The following CDCP1 variants were observed in gnomAD, a reference collection of about 807,000 sequenced individuals.
The protein encoded by CDCP1 is CUB domain-containing protein 1.
Under a neutral mutation model 60.2 loss-of-function variants are expected in CDCP1, and 29 were observed. That is an observed-to-expected ratio of 0.48 (90% CI 0.36 to 0.66). CDCP1 has a LOEUF of 0.66. Among genes scored for constraint, CDCP1 ranks in the 30% least tolerant of loss-of-function variants. CDCP1 has a pLI of 0.00. For missense variants in CDCP1, 876 were observed against 1,074.3 expected (o/e 0.82, Z 2.58); for synonymous variants, 387 against 431.1 (o/e 0.90, Z 1.27).
intron 4 of CDCP1, among the ~76,000 whole-genome samples, chr3:45,109,692 G>T (rs947149070): frequency 5.9e-5 from 9 of 151,974 alleles, no homozygotes; most frequent in African/African-American, 1.9e-4. Flanking sequence ...TTAAGGAGGT[G>T]CTCACTCTCA....
chr3:45,085,712 T>C lies in CDCP1; in HGVS notation c.2437A>G (p.Asn813Asp). The change falls in exon 9 of 9, where the codon AAT becomes GAT. Residue 813 changes from asparagine to aspartate, a missense_variant. By Grantham distance (23) the Asn-to-Asp change is conservative. This residue lies in a region of CDCP1 where 726 missense variants were observed against 935.7 expected (regional missense o/e 0.78). Transcript: ENST00000296129. This position sits in a 1 kb window ranked among gnomAD's most constrained non-coding sequence, Gnocchi z 4.2. Reference protein sequence around the residue: ...SEPYTFSHPNNGDVSSKDTDI... With the variant: ...SEPYTFSHPNDGDVSSKDTDI... ...GTGTCCTTGCTGCTTACATCCCCAT[T>C]GTTGGGATGGGAGAAGGTGTACGGT... 6.2e-7 allele frequency: 1 copy of C among 1,614,084 alleles called. No individual in the cohort carries two copies. Among genetic ancestry groups the C allele is most frequent in the African/African-American group, 1.3e-5 (1 of 75,024 alleles).
chr3:45,083,366 C>G lies in CDCP1; in HGVS notation c.*2272G>C, dbSNP rs1183428110. ...TCTGGAAAGTGTTCAAGAGGTCTTG[C>G]AGTACACGCCATTTAGGAGACTATA... On this transcript the variant is annotated 3_prime_UTR_variant, in exon 9 of 9. Coordinates refer to ENST00000296129, the MANE Select transcript of CDCP1 (RefSeq NM_022842.5). The G allele has an allele frequency of 3.3e-5, 5 of 152,208 alleles. No individual in the cohort carries two copies. Among genetic ancestry groups the G allele is most frequent in the African/African-American group, 1.2e-4 (5 of 41,460 alleles). 9.4% of individuals were successfully genotyped at this position (152,208 alleles called of 1,614,324 possible). A position where few individuals can be genotyped will look rare whatever the true frequency, so the allele number is the denominator to read the frequency against.
At chr3:45,133,033 G>A (rs1246281313) in intron 1 of CDCP1, among the ~76,000 whole-genome samples, 2 of 152,160 alleles carry the variant, frequency 1.3e-5, no homozygotes, top group African/African-American at 4.8e-5. Context: ...GCTTTTCCTG[G>A]AGAAAAGGAG....
intron 4 of CDCP1, among the ~76,000 whole-genome samples, chr3:45,102,169 T>A (rs1698493625): frequency 6.6e-6 from 1 of 152,126 alleles, no homozygotes; most frequent in Non-Finnish European, 1.5e-5. Flanking sequence ...CCTCCCAGGT[T>A]CAAGTGATTC....
rs186062533 is a variant in CDCP1, at chr3:45,132,166, G to A, written c.83-13545C>T. 3.0e-4 allele frequency among the ~76,000 whole-genome samples: 45 copies of A among 151,722 alleles called. No homozygotes were observed. The East Asian group carries it at 6.0e-3, about 20-fold the overall frequency. ...CAGGAGAATCACTTGAGCCCCGGAG[G>A]CAGAGGTTGCAGTGAGCTGAGATCA... is the stretch of plus-strand genomic sequence containing the variant. On this transcript the variant is annotated intron_variant, in intron 1 of 8. Coordinates refer to ENST00000296129, the MANE Select transcript of CDCP1 (RefSeq NM_022842.5).
At chr3:45,105,664 TTATAGATGGGTAGATA>T (rs1414750308) in intron 4 of CDCP1, among the ~76,000 whole-genome samples, 2 of 152,330 alleles carry the variant, frequency 1.3e-5, no homozygotes, top group East Asian at 1.9e-4. Context: ...CCCTAAAGCC[TTATAGATGGGTAGATA>T]TATAGATGGG....
intron 4 of CDCP1, among the ~76,000 whole-genome samples, chr3:45,104,939 T>G (rs2125994553): frequency 6.6e-6 from 1 of 152,256 alleles, no homozygotes; most frequent in South Asian, 2.1e-4. Context: ...TCCCAGCTAC[T>G]TGAGAAGCTG....
rs192182036 is a variant in CDCP1 at position 45,112,192 on chromosome 3, A to G, written c.546T>C (p.Thr182=). The G allele has an allele frequency of 4.2e-5, 68 of 1,614,184 alleles. No individual in the cohort carries two copies. The Admixed American group carries it at 9.7e-4, about 23-fold the overall frequency. ...VRIGTFCSNG[T]VSRIKMQEGV... The stretch of plus-strand genomic sequence containing the variant: ...CTTCTTGCATCTTGATCCGGGACAC[A>G]GTGCCATTGCTGCAGAAGGTTCCGA... The change falls in exon 3 of 9, where the codon ACT becomes ACC. Residue 182 remains threonine (T), a synonymous_variant. Transcript: ENST00000296129.
chr3:45,090,487 C>G (rs1200684784), intron 7 of CDCP1, among the ~76,000 whole-genome samples: 1 of 152,162 alleles, frequency 6.6e-6, no homozygotes, highest in African/African-American at 2.4e-5. Context: ...TTTCAGGTCC[C>G]CATATTTTAA....
At chr3:45,134,419 C>A (rs537738903) in intron 1 of CDCP1, among the ~76,000 whole-genome samples, 1 of 152,228 alleles carries the variant, frequency 6.6e-6, no homozygotes, top group Non-Finnish European at 1.5e-5. Flanking sequence ...CCACCGCGCC[C>A]GGCCCAGATC....
Position 45,091,383 on chromosome 3 carries a change from T to C in CDCP1, c.1783A>G (p.Ser595Gly). Residue 595 changes from serine to glycine, a missense_variant, in exon 7 of 9, where the codon AGC becomes GGC. Ser to Gly is a moderately conservative substitution (Grantham distance 56). Around this residue, in one of 2 missense-constraint regions of CDCP1, gnomAD observed 726 missense variants for 935.7 expected, o/e 0.78. Coordinates refer to ENST00000296129, the MANE Select transcript of CDCP1 (RefSeq NM_022842.5). This position sits in a 1 kb window ranked among gnomAD's most constrained non-coding sequence, Gnocchi z 4.8. ...VACLTFFKER[S>G]GVVCQTGRAF... ...CGCCCTGTCTGGCAGACCACGCCGC[T>C]CCGCTCCTTAAAGAAAGTCAGGCAG... 6.2e-7 allele frequency: 1 copy of C among 1,614,144 alleles called. No individual in the cohort carries two copies. The highest frequency in any genetic ancestry group is 8.5e-7 in the Non-Finnish European group (1 of 1,180,026).
chr3:45,134,291 A>T (rs1270499092), intron 1 of CDCP1, among the ~76,000 whole-genome samples: 1 of 151,978 alleles, frequency 6.6e-6, no homozygotes, highest in Non-Finnish European at 1.5e-5. Context: ...CACCCAGCTA[A>T]TTTTTTGTAT....
chr3:45,104,457 GC>G (rs1457397679), intron 4 of CDCP1, among the ~76,000 whole-genome samples: 8 of 152,304 alleles, frequency 5.3e-5, no homozygotes, highest in Admixed American at 1.3e-4. Context: ...GTGGAAATGT[GC>G]AGCCCTTATC....
At chr3:45,097,837 G>A (rs1202071799) in intron 4 of CDCP1, among the ~76,000 whole-genome samples, 1 of 152,108 alleles carries the variant, frequency 6.6e-6, no homozygotes, top group Non-Finnish European at 1.5e-5. Context: ...CGTAAATTTT[G>A]ACATCACATC....
At position 45,144,286 on chromosome 3, in the gene CDCP1, C is replaced by A. The variant is rs137872697; in HGVS notation, c.82+1920G>T. 8.4e-3 allele frequency among the ~76,000 whole-genome samples: 1,277 copies of A among 152,290 alleles called. 18 individuals are homozygous for A. Among genetic ancestry groups the A allele is most frequent in the Non-Finnish European group, 8.8e-3 (599 of 68,020 alleles). On this transcript the variant is annotated intron_variant, in intron 1 of 8. Coordinates refer to ENST00000296129, the MANE Select transcript of CDCP1 (RefSeq NM_022842.5). ...AAAACAAATCCACTGTGCCAGGGCT[C>A]TGGCTTTCTGTATCCTTTCAGGACA...
chr3:45,094,082 C>T (rs1027728650), intron 5 of CDCP1, among the ~76,000 whole-genome samples: 4 of 152,108 alleles, frequency 2.6e-5, no homozygotes, highest in African/African-American at 9.7e-5. Flanking sequence ...CGTCTTCTGG[C>T]TCTGCCACTT....
intron 8 of CDCP1, among the ~76,000 whole-genome samples, chr3:45,088,584 T>A (rs1182368097): frequency 2.0e-5 from 3 of 152,238 alleles, no homozygotes; most frequent in African/African-American, 4.8e-5. Context: ...GCCTGGCCTC[T>A]GTTACATACC....
chr3:45,095,972 T>C (rs900861902), intron 4 of CDCP1, among the ~76,000 whole-genome samples: 3 of 152,228 alleles, frequency 2.0e-5, no homozygotes, highest in Admixed American at 6.5e-5. Flanking sequence ...ATTTAAAATA[T>C]AGAAAGTTCT....
chr3:45,098,689 C>T (rs556057634), intron 4 of CDCP1, among the ~76,000 whole-genome samples: 4 of 151,880 alleles, frequency 2.6e-5, no homozygotes, highest in African/African-American at 7.2e-5. Flanking sequence ...TGATAGTTAG[C>T]GTCATATTTT....
Sources: allele counts gnomAD v4.1 joint callset (sites outside exome capture counted in the v4.1 genomes callset), GRCh38; gene constraint gnomAD v4.1.1; regional missense constraint gnomAD v4.1.1; non-coding constraint Gnocchi (gnomAD v3.1); transcripts MANE v1.5; gene names NCBI Gene and HGNC (gene_info 2026-07-23, HGNC 2026-07-21).